STOX2: variants seen among roughly 807,000 people sequenced by gnomAD.
STOX2 encodes storkhead box 2.
Under a neutral mutation model 60.9 loss-of-function variants are expected in STOX2, and 28 were observed. The observed-to-expected ratio is 0.46, with a 90% CI of 0.34 to 0.63. The LOEUF is 0.63. Among genes scored for constraint, STOX2 ranks in the 30% least tolerant of loss-of-function variants. STOX2 has a pLI of 0.01. For missense variants in STOX2, 1,024 were observed against 1,187.7 expected (o/e 0.86, Z 2.03); for synonymous variants, 472 against 463.9 (o/e 1.02, Z -0.22).
At chr4:183,902,040 G>A (rs1007020296), upstream of STOX2, among the ~76,000 whole-genome samples, 2 of 152,112 alleles carry the variant, frequency 1.3e-5, no homozygotes, top group Non-Finnish European at 2.9e-5. Flanking sequence ...GACGAGGAAG[G>A]CTTCAACCCA....
intron 1 of STOX2, among the ~76,000 whole-genome samples, chr4:183,957,759 T>C (rs1743292180): frequency 6.6e-6 from 1 of 152,236 alleles, no homozygotes; most frequent in Non-Finnish European, 1.5e-5. Flanking sequence ...CTATTTGTGA[T>C]GATCAATTAT....
rs1741618831 is a variant in STOX2, at chr4:183,906,623, G to T, written c.-168G>T. 1 of 659,484 alleles carries T rather than the reference G, an allele frequency of 1.5e-6. No homozygotes were observed. Among genetic ancestry groups the T allele is most frequent in the Non-Finnish European group, 2.5e-6 (1 of 402,854 alleles). The allele number at this position is 659,484 out of a possible 1,614,324, so 40.9% of individuals were successfully genotyped here. ...CTTCGCCGTGGGGGTGTGGGGGGGCGTGGGGAGGGCCGGACCCGCCGCTGG... is the reference window on the plus strand; with the variant it reads ...CTTCGCCGTGGGGGTGTGGGGGGGCTTGGGGAGGGCCGGACCCGCCGCTGG... On this transcript the variant is annotated 5_prime_UTR_variant, in exon 1 of 4. Coordinates refer to ENST00000308497, the MANE Select transcript of STOX2 (RefSeq NM_020225.3).
chr4:183,843,573 G>A (rs750621914), intron 1 of STOX2, among the ~76,000 whole-genome samples: 8 of 152,310 alleles, frequency 5.3e-5, no homozygotes, highest in South Asian at 2.1e-4. Flanking sequence ...CTCTGCTGCC[G>A]TGGCACAAAA....
chr4:183,953,495 T>C (rs941588992), intron 1 of STOX2, among the ~76,000 whole-genome samples: 3 of 152,184 alleles, frequency 2.0e-5, no homozygotes, highest in Admixed American at 6.5e-5. Context: ...GGCCCATTCA[T>C]AGTAGGTAGC....
intron 1 of STOX2, among the ~76,000 whole-genome samples, chr4:183,895,984 C>A (rs1461520497): frequency 6.6e-6 from 1 of 152,140 alleles, no homozygotes; most frequent in Non-Finnish European, 1.5e-5. Context: ...TTGAATCCTG[C>A]AAGCAGGATA....
intron 1 of STOX2, among the ~76,000 whole-genome samples, chr4:183,915,185 G>T (rs1318373413): frequency 6.6e-6 from 1 of 152,220 alleles, no homozygotes; most frequent in Non-Finnish European, 1.5e-5. Context: ...GGCAGTCGGG[G>T]TAGCAGGACT....
intron 1 of STOX2, among the ~76,000 whole-genome samples, chr4:183,981,165 A>G (rs535476049): frequency 1.9e-4 from 29 of 152,364 alleles, no homozygotes; most frequent in African/African-American, 6.7e-4. Flanking sequence ...TACATCCTCA[A>G]GATGAATGTG....
chr4:183,851,876 G>A (rs866678210), intron 1 of STOX2, among the ~76,000 whole-genome samples: 81 of 55,220 alleles, frequency 1.5e-3, no homozygotes, highest in African/African-American at 6.9e-3. Context: ...AAAGGATGAG[G>A]GAAAGGATGA....
chr4:183,930,224 G>T (rs1333932154), intron 1 of STOX2, among the ~76,000 whole-genome samples: 1 of 150,056 alleles, frequency 6.7e-6, no homozygotes, highest in Non-Finnish European at 1.5e-5. Context: ...GGAGTGCACT[G>T]GTACAGTCAT....
chr4:183,852,526 AAAGGATGAGG>A (rs1374587571), intron 1 of STOX2, among the ~76,000 whole-genome samples: 1 of 147,210 alleles, frequency 6.8e-6, no homozygotes, highest in Non-Finnish European at 1.5e-5. Context: ...AGGATGAGGG[AAAGGATGAGG>A]GAAAGGATGA....
At chr4:183,818,714 T>TGGCC (rs1274329644) in intron 1 of STOX2, among the ~76,000 whole-genome samples, 2 of 146,146 alleles carry the variant, frequency 1.4e-5, no homozygotes, top group East Asian at 2.1e-4. Flanking sequence ...GGTAGCCGGC[T>TGGCC]GGGCGGGGGC....
intron 1 of STOX2, among the ~76,000 whole-genome samples, chr4:183,889,238 C>G (rs1256407392): frequency 1.3e-5 from 2 of 151,966 alleles, no homozygotes; most frequent in African/African-American, 2.4e-5. Flanking sequence ...GGAGGTTGTA[C>G]TGGAGTAGGG....
At chr4:183,895,449 G>T (rs571667974) in intron 1 of STOX2, among the ~76,000 whole-genome samples, 1 of 152,252 alleles carries the variant, frequency 6.6e-6, no homozygotes, top group South Asian at 2.1e-4. Flanking sequence ...CCTATTTTTT[G>T]AAAGGCACTA....
At chr4:183,885,890 G>T (rs1233579747) in intron 1 of STOX2, among the ~76,000 whole-genome samples, 2 of 152,208 alleles carry the variant, frequency 1.3e-5, no homozygotes, top group African/African-American at 4.8e-5. Context: ...GCATCTCATT[G>T]CCCCATTACC....
intron 1 of STOX2, among the ~76,000 whole-genome samples, chr4:183,917,750 G>A (rs1741974195): frequency 1.3e-5 from 2 of 152,248 alleles, no homozygotes; most frequent in Middle Eastern, 3.4e-3. Context: ...TTGTGAGAGT[G>A]GCTTCTGTCT....
intron 1 of STOX2, among the ~76,000 whole-genome samples, chr4:183,907,645 T>G (rs1002536180): frequency 1.3e-5 from 2 of 152,188 alleles, no homozygotes; most frequent in South Asian, 4.1e-4. Context: ...AGGGAAGGCT[T>G]CAAAAAAGAT....
chr4:184,020,254 CTCTTACG>C lies in STOX2; in HGVS notation c.*2971_*2977del, dbSNP rs1214411342. ...CATGACTTTCCATCGCCATGGCTTT[CTCTTACG>C]CCGCTGTTTGGCTTTCAGATGTAAT... is the stretch of plus-strand genomic sequence containing the variant. On this transcript the variant is annotated 3_prime_UTR_variant, in exon 4 of 4. Transcript: ENST00000308497. The C allele has an allele frequency of 6.6e-6, 1 of 152,112 alleles. No homozygotes were observed. The highest frequency in any genetic ancestry group is 6.5e-5 in the Admixed American group (1 of 15,272). The allele number at this position is 152,112 out of a possible 1,614,324, so 9.4% of individuals were successfully genotyped here.
At chr4:183,898,029 G>C (rs1741375973) in intron 1 of STOX2, among the ~76,000 whole-genome samples, 1 of 151,982 alleles carries the variant, frequency 6.6e-6, no homozygotes, top group South Asian at 2.1e-4. Context: ...ATTAGGCATA[G>C]GATTACATAT....
chr4:183,830,613 T>C (rs1421974144), intron 1 of STOX2, among the ~76,000 whole-genome samples: 2 of 152,204 alleles, frequency 1.3e-5, no homozygotes, highest in Non-Finnish European at 2.9e-5. Flanking sequence ...TCACTCCTTG[T>C]GTGGCAGTTA....
Sources: gnomAD v4.1 joint callset for allele counts (sites outside exome capture counted in the v4.1 genomes callset) on GRCh38, gnomAD v4.1.1 for gene constraint, MANE v1.5 for transcripts, NCBI Gene and HGNC (gene_info 2026-07-23, HGNC 2026-07-21) for gene names.